Variants in OPRK1 observed in about 807,000 individuals in gnomAD.
The protein encoded by OPRK1 is kappa-type opioid receptor.
Under a neutral mutation model 24.5 loss-of-function variants are expected in OPRK1, and 15 were observed. That is an observed-to-expected ratio of 0.61 (90% CI 0.41 to 0.94). OPRK1 has a LOEUF of 0.94. Ranked by LOEUF, OPRK1 falls within the 40% of genes least tolerant of loss-of-function variation. OPRK1 has a pLI of 0.00. For missense variants in OPRK1, 479 were observed against 507.3 expected (o/e 0.94, Z 0.54); for synonymous variants, 205 against 198.0 (o/e 1.04, Z -0.30).
At position 53,229,168 on chromosome 8, in the gene OPRK1, A is replaced by G; in HGVS notation, c.*129T>C. On this transcript the variant is annotated 3_prime_UTR_variant, in exon 4 of 4. Coordinates refer to ENST00000265572, the MANE Select transcript of OPRK1 (RefSeq NM_000912.5). ...GGTCTGCATCTGATGACTTCAGACC[A>G]TGAGATCTCTAAAAGTTTATTTTAA... is the stretch of plus-strand genomic sequence containing the variant. 2.6e-6 allele frequency: 3 copies of G among 1,133,978 alleles called. No homozygotes were observed. Among genetic ancestry groups the G allele is most frequent in the Non-Finnish European group, 3.7e-6 (3 of 817,408 alleles). 70.2% of individuals were successfully genotyped at this position (1,133,978 alleles called of 1,614,324 possible).
Position 53,226,521 on chromosome 8 carries a change from T to C in OPRK1, c.*2776A>G, listed in dbSNP as rs1246226545. On this transcript the variant is annotated 3_prime_UTR_variant, in exon 4 of 4. Coordinates refer to ENST00000265572, the MANE Select transcript of OPRK1 (RefSeq NM_000912.5). ...AGTCTCAAAGAGACACAACAGACAG[T>C]GTCCTCCTTGTTGAGGTCAGAGAAT... 1 of 152,262 alleles carries C rather than the reference T, an allele frequency of 6.6e-6. No individual in the cohort carries two copies. The highest frequency in any genetic ancestry group is 1.5e-5 in the Non-Finnish European group (1 of 68,044). 9.4% of individuals were successfully genotyped at this position (152,262 alleles called of 1,614,324 possible).
intron 2 of OPRK1, among the ~76,000 whole-genome samples, chr8:53,237,538 T>G (rs945410228): frequency 2.0e-5 from 3 of 152,198 alleles, no homozygotes; most frequent in African/African-American, 7.2e-5. Context: ...CCCCAAGCTT[T>G]GTCTCAATTC....
chr8:53,243,044 A>G, intron 2 of OPRK1: 1 of 1,084,538 alleles, frequency 9.2e-7, no homozygotes, highest in Admixed American at 3.4e-5. Flanking sequence ...AAAGGGAAAA[A>G]AAGGGACTGC....
chr8:53,229,797 G>T lies in OPRK1; in HGVS notation c.643C>A (p.Pro215Thr). Residue 215 changes from proline to threonine, a missense_variant, in exon 4 of 4, where the codon CCA (proline) becomes ACA (threonine). Coordinates refer to ENST00000265572, the MANE Select transcript of OPRK1 (RefSeq NM_000912.5). ...VDVIECSLQFPDDDYSWWDLF... is the reference protein window; with the variant it reads ...VDVIECSLQFTDDDYSWWDLF... ...TCCCACCAGGAGTAGTCATCATCTG[G>T]GAACTGCAAGGAGCACTCAATGACA... is the stretch of plus-strand genomic sequence containing the variant. 1.9e-6 allele frequency: 3 copies of T among 1,588,416 alleles called. No individual in the cohort carries two copies.
At chr8:53,237,516 C>T (rs1310350065) in intron 2 of OPRK1, among the ~76,000 whole-genome samples, 1 of 152,206 alleles carries the variant, frequency 6.6e-6, no homozygotes, top group Admixed American at 6.5e-5. Flanking sequence ...GTCAGGACCT[C>T]TGCCATGCAT....
intron 2 of OPRK1, among the ~76,000 whole-genome samples, chr8:53,236,084 T>G (rs1241157995): frequency 3.9e-5 from 6 of 152,126 alleles, no homozygotes; most frequent in Admixed American, 3.9e-4. Context: ...CAGCCTCAGA[T>G]TTGAAGATCT....
rs1366433987 is a variant in OPRK1, at chr8:53,235,127, CA to C, written c.258-17del. The C allele has an allele frequency of 6.3e-7, 1 of 1,596,900 alleles. No individual in the cohort carries two copies. Among genetic ancestry groups the C allele is most frequent in the Non-Finnish European group, 8.6e-7 (1 of 1,167,776 alleles). ...CTTTGTGTATCTAAAAGAAAAGAAACAATAGCATTTCCCTCCATTTTCAAGT... is the reference window on the plus strand; with the variant it reads ...CTTTGTGTATCTAAAAGAAAAGAAACATAGCATTTCCCTCCATTTTCAAGT... On this transcript the variant is annotated splice_polypyrimidine_tract_variant and intron_variant, in intron 2 of 3. Coordinates refer to ENST00000265572, the MANE Select transcript of OPRK1 (RefSeq NM_000912.5).
At chr8:53,249,689 C>G (rs2553854) in intron 2 of OPRK1, among the ~76,000 whole-genome samples, 151,039 of 152,366 alleles carry the variant, frequency 0.99, 74,866 homozygotes, top group Middle Eastern at 1. Context: ...CCAAGAGAAA[C>G]ATTTATGCTA....
rs746292250 is a variant in OPRK1, at chr8:53,234,926, G to T, written c.443C>A (p.Thr148Asn). The change falls in exon 3 of 4, where the codon ACC becomes AAC. Residue 148 changes from threonine (T) to asparagine (N), a missense_variant. By Grantham distance (65) the Thr-to-Asn change is moderately conservative (BLOSUM62 0). Coordinates refer to ENST00000265572, the MANE Select transcript of OPRK1 (RefSeq NM_000912.5). Reference sequence around the variant, plus strand: ...GCGGTCCACGCTCATCATGGTCAAGGTGAAGATGCTGGTGAACATGTTGTA... The same window carrying T: ...GCGGTCCACGCTCATCATGGTCAAGTTGAAGATGCTGGTGAACATGTTGTA... ...DYYNMFTSIF[T>N]LTMMSVDRYI... The T allele has an allele frequency of 7.4e-6, 12 of 1,614,160 alleles. No homozygotes were observed. Among genetic ancestry groups the T allele is most frequent in the Non-Finnish European group, 1.0e-5 (12 of 1,180,028 alleles).
Position 53,226,289 on chromosome 8 carries a change from A to G in OPRK1, c.*3008T>C, listed in dbSNP as rs1806683012. 6.6e-6 allele frequency: 1 copy of G among 152,158 alleles called. No homozygotes were observed. The highest frequency in any genetic ancestry group is 1.5e-5 in the Non-Finnish European group (1 of 68,030). 9.4% of individuals were successfully genotyped at this position (152,158 alleles called of 1,614,324 possible). Reference sequence around the variant, plus strand: ...CTCGAAGGATGCTCTTAGATTGGTAACTACTCTGAGATACTAAGAGTGTTT... The same window carrying G: ...CTCGAAGGATGCTCTTAGATTGGTAGCTACTCTGAGATACTAAGAGTGTTT... On this transcript the variant is annotated 3_prime_UTR_variant, in exon 4 of 4. Coordinates refer to ENST00000265572, the MANE Select transcript of OPRK1 (RefSeq NM_000912.5).
At chr8:53,230,008 C>T (rs1468567336) in intron 3 of OPRK1, among the ~76,000 whole-genome samples, 179 bp from the exon 4 acceptor site, 2 of 151,932 alleles carry the variant, frequency 1.3e-5, no homozygotes, top group East Asian at 1.9e-4. Flanking sequence ...GTTAGCCATC[C>T]TAATCTTTGT....
In OPRK1 at chr8:53,235,244, A is replaced by G. The variant is rs550234699; in HGVS notation, c.258-133T>C. Reference sequence around the variant, plus strand: ...TATTCTTATATTCATTGAGGGTCTAACATGTAAATGGACTGTTCTAGACAT... The same window carrying G: ...TATTCTTATATTCATTGAGGGTCTAGCATGTAAATGGACTGTTCTAGACAT... On this transcript the variant is annotated intron_variant, in intron 2 of 3. Coordinates refer to ENST00000265572, the MANE Select transcript of OPRK1 (RefSeq NM_000912.5). 5.0e-4 allele frequency: 345 copies of G among 686,152 alleles called. 3 individuals are homozygous for G. The East Asian group carries it at 9.1e-3, about 18-fold the overall frequency. 42.5% of individuals were successfully genotyped at this position (686,152 alleles called of 1,614,324 possible).
chr8:53,231,931 G>A lies in OPRK1; in HGVS notation c.611-2102C>T, dbSNP rs139461011. ...ACAAACTGCCTTGCATGTGGTGGGA[G>A]ATGGTAAGTATTAGATGACTGGGTG... On this transcript the variant is annotated intron_variant, in intron 3 of 3. Transcript: ENST00000265572. Among the ~76,000 whole-genome samples the A allele has an allele frequency of 2.3e-3, 348 of 152,294 alleles. 3 individuals are homozygous for A. The highest frequency in any genetic ancestry group is 8.0e-3 in the African/African-American group (333 of 41,556).
intron 2 of OPRK1, among the ~76,000 whole-genome samples, chr8:53,237,675 C>A (rs886860456): frequency 3.3e-5 from 5 of 152,160 alleles, no homozygotes; most frequent in African/African-American, 1.2e-4. Flanking sequence ...GAAATTTAAA[C>A]CCAGGGGTTT....
At chr8:53,231,751 T>C (rs1375496203) in intron 3 of OPRK1, among the ~76,000 whole-genome samples, 2 of 152,154 alleles carry the variant, frequency 1.3e-5, no homozygotes, top group Non-Finnish European at 2.9e-5. Flanking sequence ...AACAAACAAA[T>C]ACATACCACA....
In OPRK1 at chr8:53,250,827, C is replaced by T; in HGVS notation, c.211G>A (p.Val71Ile). 2 of 1,611,574 alleles carry T rather than the reference C, an allele frequency of 1.2e-6. No homozygotes were observed. The highest frequency in any genetic ancestry group is 1.1e-5 in the South Asian group (1 of 90,762). The change falls in exon 2 of 4, where the codon GTC becomes ATC. Residue 71 changes from valine (V) to isoleucine (I), a missense_variant. Physicochemically the swap from Val to Ile is conservative, Grantham distance 29 (BLOSUM62 3). Coordinates refer to ENST00000265572, the MANE Select transcript of OPRK1 (RefSeq NM_000912.5). ...AGCGAGTTGCCCACCAAGCCCACGA[C>T]GAACACTACGGAGTAGACCGCCGTG... ...IITAVYSVVFVVGLVGNSLVM... is the reference protein window; with the variant it reads ...IITAVYSVVFIVGLVGNSLVM...
At chr8:53,231,857 C>T (rs1806861741) in intron 3 of OPRK1, among the ~76,000 whole-genome samples, 1 of 152,194 alleles carries the variant, frequency 6.6e-6, no homozygotes, top group African/African-American at 2.4e-5. Flanking sequence ...CACAGGGCTG[C>T]TGTTTAATTC....
intron 1 of OPRK1, 22 bp from the exon 2 acceptor site, chr8:53,251,107 C>A (rs1807383998): frequency 1.4e-6 from 2 of 1,419,068 alleles, no homozygotes; most frequent in Admixed American, 6.1e-5. Flanking sequence ...AAAGAACCGG[C>A]TGGACGCGGA....
intron 2 of OPRK1, chr8:53,242,513 T>A (rs1471986514): frequency 1.2e-5 from 2 of 160,868 alleles, no homozygotes; most frequent in African/African-American, 4.8e-5. Context: ...ATTCTTTTTT[T>A]ATTTATTTTT....
Sources: gnomAD v4.1 joint callset for allele counts (sites outside exome capture counted in the v4.1 genomes callset) on GRCh38, gnomAD v4.1.1 for gene constraint, MANE v1.5 for transcripts, NCBI Gene and HGNC (gene_info 2026-07-23, HGNC 2026-07-21) for gene names.